LSAMP: variants seen among roughly 807,000 people sequenced by gnomAD.
LSAMP encodes the protein limbic system associated membrane protein, also known as limbic system-associated membrane protein.
LSAMP carries 7 observed loss-of-function variants against 38.6 expected under a neutral mutation model. The observed-to-expected ratio is 0.18, with a 90% CI of 0.10 to 0.34. LSAMP has a LOEUF of 0.34. LSAMP is among the 10% of genes least tolerant of loss of function. The pLI, the probability that LSAMP is intolerant of heterozygous loss-of-function variation, is 1.00. For missense variants in LSAMP, 313 were observed against 420.0 expected (o/e 0.75, Z 2.23); for synonymous variants, 154 against 166.8 (o/e 0.92, Z 0.59).
At chr3:116,252,879 C>T (rs1037387676) in intron 1 of LSAMP, among the ~76,000 whole-genome samples, 8 of 152,180 alleles carry the variant, frequency 5.3e-5, no homozygotes, top group Non-Finnish European at 1.0e-4. Flanking sequence ...ATTAGGGGCA[C>T]ACTATACTTA....
intron 3 of LSAMP, among the ~76,000 whole-genome samples, chr3:115,857,577 C>T (rs1935547414): frequency 6.6e-6 from 1 of 152,112 alleles, no homozygotes; most frequent in Non-Finnish European, 1.5e-5. Context: ...ACATCTCAAC[C>T]AATTTCCACA....
At chr3:115,962,892 G>C (rs1050828931) in intron 3 of LSAMP, among the ~76,000 whole-genome samples, 1 of 152,130 alleles carries the variant, frequency 6.6e-6, no homozygotes, top group Non-Finnish European at 1.5e-5. Context: ...AAAGGAAACA[G>C]TATCATCCTC....
At chr3:116,407,175 T>A (rs556589343) in intron 1 of LSAMP, among the ~76,000 whole-genome samples, 16 of 152,200 alleles carry the variant, frequency 1.1e-4, no homozygotes, top group South Asian at 8.3e-4. Flanking sequence ...CATTTATGTA[T>A]CCTTCTCTCT....
intron 1 of LSAMP, among the ~76,000 whole-genome samples, chr3:116,299,083 G>A (rs1359773258): frequency 6.6e-6 from 1 of 152,182 alleles, no homozygotes; most frequent in East Asian, 1.9e-4. Flanking sequence ...GTCTTTTTAA[G>A]CAATGAGCTG....
At chr3:115,901,948 A>G (rs914947075) in intron 3 of LSAMP, among the ~76,000 whole-genome samples, 3 of 152,096 alleles carry the variant, frequency 2.0e-5, no homozygotes, top group South Asian at 4.1e-4. Flanking sequence ...TAAAAATGCA[A>G]TTACACTAGC....
chr3:115,818,017 C>T (rs955167860), intron 6 of LSAMP, among the ~76,000 whole-genome samples: 1 of 152,126 alleles, frequency 6.6e-6, no homozygotes, highest in African/African-American at 2.4e-5. Flanking sequence ...TTCATGAAAA[C>T]ATGAGGAAAC....
At chr3:116,164,766 T>TTC (rs1710006671) in intron 1 of LSAMP, among the ~76,000 whole-genome samples, 1 of 111,660 alleles carries the variant, frequency 9.0e-6, no homozygotes. Context: ...ATATATTTTT[T>TTC]TTTTTTTTCA....
intron 1 of LSAMP, among the ~76,000 whole-genome samples, chr3:116,130,632 CAA>C (rs1165013037): frequency 9.2e-5 from 14 of 152,018 alleles, no homozygotes; most frequent in Admixed American, 3.3e-4. Context: ...AATGGGAATC[CAA>C]AATAATCTAT....
intron 1 of LSAMP, among the ~76,000 whole-genome samples, chr3:116,419,312 T>G (rs1159002695): frequency 1.3e-5 from 2 of 152,224 alleles, no homozygotes; most frequent in Non-Finnish European, 2.9e-5. Flanking sequence ...ACAATTCCAG[T>G]TAAAAGTGAC....
intron 1 of LSAMP, among the ~76,000 whole-genome samples, chr3:116,400,420 T>TTCCC (rs10662942): frequency 0.24 from 34,208 of 141,040 alleles, 5,278 homozygotes; most frequent in African/African-American, 0.44. Context: ...CTTTCCCTCC[T>TTCCC]TCCCTCCCTC....
At chr3:116,019,755 T>A in intron 2 of LSAMP, 115 bp from the exon 3 acceptor site, 1 of 1,174,742 alleles carries the variant, frequency 8.5e-7, no homozygotes, top group Non-Finnish European at 1.2e-6. Flanking sequence ...ATTTCTGTGT[T>A]AAGAAGTAGG....
At chr3:116,331,574 G>A (rs750527479) in intron 1 of LSAMP, among the ~76,000 whole-genome samples, 13 of 152,126 alleles carry the variant, frequency 8.5e-5, no homozygotes, top group Non-Finnish European at 1.3e-4. Flanking sequence ...ATACCAGAAG[G>A]CAGTGGCCTG....
At chr3:116,160,856 C>T (rs1709872164) in intron 1 of LSAMP, among the ~76,000 whole-genome samples, 1 of 152,128 alleles carries the variant, frequency 6.6e-6, no homozygotes, top group South Asian at 2.1e-4. Context: ...TTTAGTAGGT[C>T]TTGAATGAGG....
intron 1 of LSAMP, chr3:116,360,232 CAAAG>C (rs2048291516): frequency 2.4e-5 from 3 of 123,380 alleles, no homozygotes; most frequent in South Asian, 6.4e-4. Flanking sequence ...CTTTCCGAGT[CAAAG>C]AAAGGGGTGA....
At chr3:115,897,492 G>T (rs1326691231) in intron 3 of LSAMP, among the ~76,000 whole-genome samples, 1 of 152,038 alleles carries the variant, frequency 6.6e-6, no homozygotes, top group Non-Finnish European at 1.5e-5. Flanking sequence ...GTAAACCATA[G>T]TGTTCTACCT....
intron 1 of LSAMP, among the ~76,000 whole-genome samples, chr3:116,355,167 T>C (rs1372402336): frequency 6.6e-6 from 1 of 152,170 alleles, no homozygotes; most frequent in Non-Finnish European, 1.5e-5. Flanking sequence ...AGTTTTAAGA[T>C]TTGAGTAATA....
chr3:116,127,735 G>T (rs529880087), intron 1 of LSAMP, among the ~76,000 whole-genome samples: 3 of 136,854 alleles, frequency 2.2e-5, no homozygotes, highest in Non-Finnish European at 4.6e-5. Flanking sequence ...AGACCTGTTG[G>T]ATCACGAGGC....
chr3:116,241,117 T>G (rs2046527050), intron 1 of LSAMP, among the ~76,000 whole-genome samples: 1 of 151,018 alleles, frequency 6.6e-6, no homozygotes, highest in Non-Finnish European at 1.5e-5. Context: ...GCAGAGGTTT[T>G]GGTGAGCCAA....
chr3:116,421,011 A>T (rs952667246), intron 1 of LSAMP, among the ~76,000 whole-genome samples: 2 of 152,356 alleles, frequency 1.3e-5, no homozygotes, highest in Admixed American at 6.5e-5. Flanking sequence ...AACCTGCCTC[A>T]TAGCATACAT....
Sources: allele counts gnomAD v4.1 joint callset (sites outside exome capture counted in the v4.1 genomes callset), GRCh38; gene constraint gnomAD v4.1.1; transcripts MANE v1.5; gene names NCBI Gene and HGNC (gene_info 2026-07-23, HGNC 2026-07-21).